Variants in BRD4 observed in about 807,000 individuals in gnomAD.
The protein encoded by BRD4 is bromodomain containing 4.
In BRD4, 16 loss-of-function variants were observed where a neutral mutation model predicts 142.1. The ratio of observed to expected loss-of-function variants is 0.11; its 90% confidence interval spans 0.08 to 0.17. The LOEUF is 0.17. BRD4 is among the 10% of genes least tolerant of loss of function. The pLI, the probability that BRD4 is intolerant of heterozygous loss-of-function variation, is 1.00. For synonymous variants in BRD4, 833 were observed against 707.5 expected (o/e 1.18, Z -2.82); for missense variants, 1,424 against 1,810.9 (o/e 0.79, Z 3.88).
chr19:15,277,661 A>G (rs1008902159), intron 1 of BRD4, among the ~76,000 whole-genome samples: 3 of 149,548 alleles, frequency 2.0e-5, no homozygotes, highest in African/African-American at 7.4e-5. Context: ...ATGGTGGTGT[A>G]CACCTGTGGT....
intron 1 of BRD4, among the ~76,000 whole-genome samples, chr19:15,316,682 A>G (rs1161994032): frequency 2.0e-5 from 3 of 152,262 alleles, no homozygotes; most frequent in Middle Eastern, 3.2e-3. Flanking sequence ...AGATGAGGTT[A>G]AATTCCACTC....
chr19:15,257,757 G>T (rs375188260), intron 7 of BRD4, among the ~76,000 whole-genome samples: 6 of 152,302 alleles, frequency 3.9e-5, no homozygotes, highest in African/African-American at 1.4e-4. Context: ...ACCAAGCAGG[G>T]CTGCACCACT....
chr19:15,258,278 T>TG (rs1166486883), intron 7 of BRD4, among the ~76,000 whole-genome samples: 1 of 151,322 alleles, frequency 6.6e-6, no homozygotes, highest in African/African-American at 2.4e-5. Flanking sequence ...ATAACTGTGG[T>TG]GTTGATTCCC....
chr19:15,253,814 C>G, intron 11 of BRD4: 2 of 1,556,376 alleles, frequency 1.3e-6, no homozygotes, highest in South Asian at 1.1e-5. Context: ...GTCAACAGCA[C>G]AGCCTGGACC....
At chr19:15,241,880 T>A (rs2047240847) in intron 14 of BRD4, among the ~76,000 whole-genome samples, 1 of 146,656 alleles carries the variant, frequency 6.8e-6, no homozygotes, top group Non-Finnish European at 1.5e-5. Context: ...TGGCACGATC[T>A]CAGCTCACTG....
intron 1 of BRD4, among the ~76,000 whole-genome samples, chr19:15,323,178 TAAAAAA>T (rs1017018376): frequency 4.5e-4 from 33 of 73,070 alleles, no homozygotes; most frequent in East Asian, 2.0e-3. Context: ...TCCATCTCTT[TAAAAAA>T]AAAAAAAAAA....
intron 1 of BRD4, among the ~76,000 whole-genome samples, chr19:15,317,169 C>G (rs1206027149): frequency 6.6e-6 from 1 of 152,234 alleles, no homozygotes; most frequent in Non-Finnish European, 1.5e-5. Context: ...GCCCAAGTGA[C>G]AGCTCTCCAA....
At position 15,316,155 on chromosome 19, in the gene BRD4, CAAAAAAAAAAA is replaced by C. The variant is rs980486654; in HGVS notation, c.-35+16124_-35+16134del. Among the ~76,000 whole-genome samples the C allele has an allele frequency of 3.0e-4, 10 of 33,054 alleles. No individual in the cohort carries two copies. In the South Asian group the frequency reaches 9.7e-3, roughly 32 times the overall value. The allele number at this position is 33,054 out of a possible 152,430, so 21.7% of individuals were successfully genotyped here. A position where few individuals can be genotyped will look rare whatever the true frequency, so the allele number is the denominator to read the frequency against. ...TGGGCGACAGAGCGAGACACCGTCTCAAAAAAAAAAAAAAAAAAAAAAAAAGACTGAGAAGC... is the reference window on the plus strand; with the variant it reads ...TGGGCGACAGAGCGAGACACCGTCTCAAAAAAAAAAAAAAGACTGAGAAGC... On this transcript the variant is annotated intron_variant, in intron 1 of 19. Transcript: ENST00000679869.
intron 1 of BRD4, among the ~76,000 whole-genome samples, chr19:15,278,105 CAAAAAAAAAAAAAAAAA>C (rs59204229): frequency 0.014 from 783 of 55,100 alleles, 18 homozygotes; most frequent in African/African-American, 0.048. Flanking sequence ...GACTCCGTCT[CAAAAAAAAAAAAAAAAA>C]AAAAAAAAAA....
chr19:15,240,385 C>T (rs775053203), intron 14 of BRD4, among the ~76,000 whole-genome samples: 11 of 152,318 alleles, frequency 7.2e-5, no homozygotes, highest in Middle Eastern at 6.8e-3. Context: ...CACATGTGGG[C>T]TTGGCAGGGC....
At chr19:15,267,729 T>C (rs1176306519) in intron 3 of BRD4, among the ~76,000 whole-genome samples, 178 bp from the exon 4 acceptor site, 1 of 152,060 alleles carries the variant, frequency 6.6e-6, no homozygotes, top group African/African-American at 2.4e-5. Context: ...TCACAGAGGC[T>C]TGTGTTCCCA....
intron 1 of BRD4, among the ~76,000 whole-genome samples, chr19:15,321,905 G>T (rs1163116118): frequency 1.3e-5 from 2 of 152,042 alleles, no homozygotes; most frequent in Non-Finnish European, 2.9e-5. Context: ...AAAACACAGT[G>T]GGTACAGGGA....
Position 15,238,953 on chromosome 19 carries a change from C to T in BRD4, c.3810G>A (p.Glu1270=), listed in dbSNP as rs113881069. Residue 1270 remains glutamate, a synonymous_variant, in exon 19 of 20, where the codon GAG becomes GAA. Transcript: ENST00000679869. The surrounding 1 kb of genome is among the most constrained non-coding windows in gnomAD (Gnocchi z 7.2). ...MRSREDEDAL[E]QARRAHEEAR... Reference sequence around the variant, plus strand: ...CCTCCTCATGGGCCCGCCGGGCCTGCTCCAGCGCATCCTCGTCCTCTCGGC... The same window carrying T: ...CCTCCTCATGGGCCCGCCGGGCCTGTTCCAGCGCATCCTCGTCCTCTCGGC... The T allele has an allele frequency of 6.3e-7, 1 of 1,595,676 alleles. No homozygotes were observed. The highest frequency in any genetic ancestry group is 8.5e-7 in the Non-Finnish European group (1 of 1,173,136).
chr19:15,285,651 GAAA>G (rs1345905522), intron 1 of BRD4, among the ~76,000 whole-genome samples: 2 of 152,102 alleles, frequency 1.3e-5, no homozygotes, highest in African/African-American at 2.4e-5. Context: ...CATACAGAAT[GAAA>G]AAATTTTAAA....
intron 11 of BRD4, 185 bp downstream of exon 11, chr19:15,253,967 G>T: frequency 1.4e-6 from 1 of 697,008 alleles, no homozygotes; most frequent in Non-Finnish European, 2.4e-6. Flanking sequence ...GGACACTACT[G>T]CACAGAGTGC....
intron 1 of BRD4, among the ~76,000 whole-genome samples, chr19:15,296,385 T>C (rs1457539911): frequency 6.6e-6 from 1 of 152,224 alleles, no homozygotes; most frequent in African/African-American, 2.4e-5. Context: ...CACACTGTAA[T>C]GCTGTGGCCG....
Position 15,243,118 on chromosome 19 carries a change from G to C in BRD4, c.2951C>G (p.Pro984Arg). The change falls in exon 14 of 20, where the codon CCT (proline) becomes CGT (arginine). Residue 984 changes from proline to arginine, a missense_variant. Transcript: ENST00000679869. ...GGGCTGATGCTGCTGCTGGGGTGGAGGCTGGGGCTGGGGTGGTGGGGGTGG... is the reference window on the plus strand; with the variant it reads ...GGGCTGATGCTGCTGCTGGGGTGGACGCTGGGGCTGGGGTGGTGGGGGTGG... ...PPPPPPPQPQ[P>R]PPQQQHQPPP... 7.0e-7 allele frequency: 1 copy of C among 1,427,398 alleles called. No individual in the cohort carries two copies. Among genetic ancestry groups the C allele is most frequent in the East Asian group, 2.5e-5 (1 of 39,498 alleles). The allele number at this position is 1,427,398 out of a possible 1,614,324, so 88.4% of individuals were successfully genotyped here. A position where few individuals can be genotyped will look rare whatever the true frequency, so the allele number is the denominator to read the frequency against.
intron 1 of BRD4, among the ~76,000 whole-genome samples, chr19:15,294,969 T>C (rs2047811762): frequency 6.6e-6 from 1 of 152,240 alleles, no homozygotes; most frequent in Non-Finnish European, 1.5e-5. Flanking sequence ...AGTTCAGCTA[T>C]GAATGTTTTC....
At chr19:15,290,115 G>A (rs530359876) in intron 1 of BRD4, among the ~76,000 whole-genome samples, 1 of 152,130 alleles carries the variant, frequency 6.6e-6, no homozygotes, top group Non-Finnish European at 1.5e-5. Flanking sequence ...ACAGGTGTGT[G>A]TACTTCTGAA....
Sources: allele counts gnomAD v4.1 joint callset (sites outside exome capture counted in the v4.1 genomes callset), GRCh38; gene constraint gnomAD v4.1.1; non-coding constraint Gnocchi (gnomAD v3.1); transcripts MANE v1.5; gene names NCBI Gene and HGNC (gene_info 2026-07-23, HGNC 2026-07-21).